The following RBBP8 variants were observed in gnomAD, a reference collection of about 807,000 sequenced individuals.
RBBP8 encodes DNA endonuclease RBBP8.
Under a neutral mutation model 108.3 loss-of-function variants are expected in RBBP8, and 88 were observed. That is an observed-to-expected ratio of 0.81 (90% CI 0.68 to 0.97). The LOEUF (loss-of-function observed/expected upper bound fraction) is 0.97. Among genes scored for constraint, RBBP8 ranks in the 50% least tolerant of loss-of-function variants. RBBP8 has a pLI of 0.00. For synonymous variants in RBBP8, 332 were observed against 348.2 expected (o/e 0.95, Z 0.52); for missense variants, 1,023 against 1,049.0 (o/e 0.98, Z 0.34).
At chr18:22,995,441 A>G (rs1014190242) in intron 12 of RBBP8, among the ~76,000 whole-genome samples, 14 of 152,198 alleles carry the variant, frequency 9.2e-5, no homozygotes, top group African/African-American at 2.4e-4. Context: ...TTTTAATTGA[A>G]ATATAAATCA....
intron 16 of RBBP8, 42 bp downstream of exon 16, chr18:23,006,474 ACAATAGAGCTGTCTT>A: frequency 7.1e-7 from 1 of 1,411,228 alleles, no homozygotes; most frequent in Non-Finnish European, 1.0e-6. Context: ...GACTGGAAGT[ACAATAGAGCTGTCTT>A]TTATTTCTCT....
chr18:22,993,059 A>C lies in RBBP8; in HGVS notation c.1232A>C (p.Asn411Thr), dbSNP rs1363863033. 3 of 1,611,546 alleles carry C rather than the reference A, an allele frequency of 1.9e-6. No individual in the cohort carries two copies. The highest frequency in any genetic ancestry group is 1.7e-6 in the Non-Finnish European group (2 of 1,177,822). ...SSNKQILINKNISESLGEQNR... is the reference protein window; with the variant it reads ...SSNKQILINKTISESLGEQNR... The stretch of plus-strand genomic sequence containing the variant: ...AATAAACAGATACTTATAAATAAAA[A>C]TATAAGTGAATCCCTAGGTGAACAG... Residue 411 changes from asparagine (N) to threonine (T), a missense_variant, in exon 11 of 19, where the codon AAT becomes ACT. Physicochemically the swap from Asn to Thr is moderately conservative, Grantham distance 65. Transcript: ENST00000327155.
chr18:22,935,970 A>G (rs892892891), intron 1 of RBBP8, among the ~76,000 whole-genome samples: 2 of 152,214 alleles, frequency 1.3e-5, no homozygotes, highest in African/African-American at 4.8e-5. Flanking sequence ...CATCTGTGTT[A>G]ATACATCAGT....
At chr18:22,946,671 A>C (rs1443024605) in intron 3 of RBBP8, among the ~76,000 whole-genome samples, 185 bp downstream of exon 3, 1 of 152,040 alleles carries the variant, frequency 6.6e-6, no homozygotes, top group Non-Finnish European at 1.5e-5. Context: ...TTCAAATTCT[A>C]AAGTAAAAAG....
chr18:22,996,549 C>CT, intron 13 of RBBP8, 87 bp downstream of exon 13: 1 of 1,557,164 alleles, frequency 6.4e-7, no homozygotes, highest in African/African-American at 1.4e-5. Flanking sequence ...ACTGTATCAC[C>CT]TTAAGATAAT....
chr18:22,995,895 G>C (rs1462611159), intron 12 of RBBP8, among the ~76,000 whole-genome samples: 1 of 152,022 alleles, frequency 6.6e-6, no homozygotes, highest in Non-Finnish European at 1.5e-5. Context: ...CATTTTTCTT[G>C]GATTATACCT....
In RBBP8 at chr18:22,991,056, A is replaced by C; in HGVS notation, c.920+7A>C. Reference sequence around the variant, plus strand: ...ATACTGAAGATAGTTTAAGGTAATTAAGGGCACGTTGGTGAAAACTGATAA... The same window carrying C: ...ATACTGAAGATAGTTTAAGGTAATTCAGGGCACGTTGGTGAAAACTGATAA... On this transcript the variant is annotated splice_region_variant and intron_variant, in intron 10 of 18. Coordinates refer to ENST00000327155, the MANE Select transcript of RBBP8 (RefSeq NM_002894.3). 1 of 1,586,368 alleles carries C rather than the reference A, an allele frequency of 6.3e-7. No homozygotes were observed. The highest frequency in any genetic ancestry group is 8.6e-7 in the Non-Finnish European group (1 of 1,156,346).
intron 4 of RBBP8, among the ~76,000 whole-genome samples, chr18:22,954,725 C>T (rs549232262): frequency 2.6e-5 from 4 of 152,196 alleles, no homozygotes; most frequent in Non-Finnish European, 5.9e-5. Context: ...CAACATTTCC[C>T]TCCCACACAG....
chr18:22,992,150 T>G (rs907611829), intron 10 of RBBP8, among the ~76,000 whole-genome samples: 2 of 152,166 alleles, frequency 1.3e-5, no homozygotes, highest in African/African-American at 4.8e-5. Flanking sequence ...TTTCTTGGAG[T>G]TACTCATGAT....
rs1027475900 is a variant in RBBP8, at chr18:22,919,390, A to G, written c.-154+2364A>G. ...CTTGTAATCAACTTTAATTTCCTGA[A>G]AGATGTTTAATCGCTTTACAAAAAG... On this transcript the variant is annotated intron_variant, in intron 3 of 4. Transcript: ENST00000577588. Among the ~76,000 whole-genome samples the G allele has an allele frequency of 2.0e-5, 3 of 152,342 alleles. No individual in the cohort carries two copies. The East Asian group carries it at 5.8e-4, about 29-fold the overall frequency.
At chr18:22,939,441 G>A (rs1391077966) in intron 2 of RBBP8, among the ~76,000 whole-genome samples, 2 of 151,882 alleles carry the variant, frequency 1.3e-5, no homozygotes, top group Non-Finnish European at 2.9e-5. Flanking sequence ...CAGGAGAATC[G>A]TTTGAACCCA....
chr18:22,971,039 G>A (rs1240174248), intron 5 of RBBP8, among the ~76,000 whole-genome samples: 3 of 152,010 alleles, frequency 2.0e-5, no homozygotes, highest in Non-Finnish European at 4.4e-5. Context: ...CAAGCTTACT[G>A]TCTCACAGTC....
At chr18:22,917,827 C>T (rs542172105) in intron 3 of RBBP8, among the ~76,000 whole-genome samples, 22 of 151,900 alleles carry the variant, frequency 1.4e-4, no homozygotes, top group African/African-American at 4.6e-4. Context: ...GATGAAATCC[C>T]GTCTCTACTA....
chr18:22,996,763 G>A (rs370072555), intron 13 of RBBP8, among the ~76,000 whole-genome samples: 2 of 152,174 alleles, frequency 1.3e-5, no homozygotes, highest in African/African-American at 2.4e-5. Context: ...CTGGGAGGTC[G>A]AAGAGAGAGA....
intron 6 of RBBP8, among the ~76,000 whole-genome samples, chr18:22,979,002 TC>T (rs1914696589): frequency 6.6e-6 from 1 of 152,258 alleles, no homozygotes; most frequent in South Asian, 2.1e-4. Context: ...GCACAGTGGC[TC>T]ATGCCTGTAG....
chr18:22,980,584 T>C (rs933667587), intron 6 of RBBP8, among the ~76,000 whole-genome samples: 14 of 151,618 alleles, frequency 9.2e-5, no homozygotes, highest in Non-Finnish European at 1.9e-4. Flanking sequence ...AGAGGAAAAA[T>C]GGGAGGGGCA....
At chr18:22,939,215 T>C (rs2144411858) in intron 2 of RBBP8, among the ~76,000 whole-genome samples, 1 of 152,174 alleles carries the variant, frequency 6.6e-6, no homozygotes, top group African/African-American at 2.4e-5. Flanking sequence ...ATTAGAACTT[T>C]CTTATGGTAG....
chr18:22,936,720 C>T, intron 1 of RBBP8, 34 bp from the exon 2 acceptor site: 1 of 991,208 alleles, frequency 1.0e-6, no homozygotes, highest in Non-Finnish European at 1.6e-6. Flanking sequence ...AAGATAAATG[C>T]AAAGTTCATT....
intron 4 of RBBP8, among the ~76,000 whole-genome samples, chr18:22,965,788 T>G (rs772384126): frequency 6.6e-6 from 1 of 152,176 alleles, no homozygotes; most frequent in African/African-American, 2.4e-5. Context: ...TTGAGCCTTT[T>G]GGGAATTTTA....
Sources: allele counts gnomAD v4.1 joint callset (sites outside exome capture counted in the v4.1 genomes callset), GRCh38; gene constraint gnomAD v4.1.1; transcripts MANE v1.5; gene names NCBI Gene and HGNC (gene_info 2026-07-23, HGNC 2026-07-21).